The following SOCS4 variants were observed in gnomAD, a reference collection of about 807,000 sequenced individuals.
The protein encoded by SOCS4 is suppressor of cytokine signaling 4, also known as SH2 domain containing SOCS box protein.
A neutral mutation model predicts 34.1 loss-of-function variants in SOCS4; 20 were observed. The observed-to-expected ratio is 0.59, with a 90% CI of 0.41 to 0.85. SOCS4 has a LOEUF of 0.85. Ranked by LOEUF, SOCS4 falls within the 40% of genes least tolerant of loss-of-function variation. The pLI is 0.00. For synonymous variants in SOCS4, 180 were observed against 186.4 expected (o/e 0.97, Z 0.28); for missense variants, 479 against 532.4 (o/e 0.90, Z 0.99).
chr14:55,039,835 G>A (rs1336397973), intron 2 of SOCS4, among the ~76,000 whole-genome samples: 2 of 152,212 alleles, frequency 1.3e-5, no homozygotes, highest in African/African-American at 4.8e-5. Context: ...GGTCGAGCTT[G>A]CAGTGAGCCG....
chr14:55,043,605 C>A lies in SOCS4; in HGVS notation c.564C>A (p.Phe188Leu). The A allele has an allele frequency of 6.2e-7, 1 of 1,614,172 alleles. No homozygotes were observed. Among genetic ancestry groups the A allele is most frequent in the East Asian group, 2.2e-5 (1 of 44,888 alleles). ...ATATGGAAGAAAATATAAACTGTTT[C>A]TCACATACCAATGTTCAGCCCTGTG... ...RRNMEENINC[F>L]SHTNVQPCVI... The change falls in exon 3 of 3, where the codon TTC becomes TTA. Residue 188 changes from phenylalanine to leucine, a missense_variant. Phe to Leu is a conservative substitution (Grantham distance 22, BLOSUM62 0). Coordinates refer to ENST00000555846, the MANE Select transcript of SOCS4 (RefSeq NM_199421.2).
intron 1 of SOCS4, chr14:55,027,806 A>G (rs1566751395): frequency 6.6e-6 from 1 of 152,252 alleles, no homozygotes; most frequent in Admixed American, 6.5e-5. Context: ...GCGACTCTAT[A>G]TATCCGTTAT....
chr14:55,034,073 C>T (rs377614307), intron 2 of SOCS4, among the ~76,000 whole-genome samples: 1 of 152,140 alleles, frequency 6.6e-6, no homozygotes, highest in South Asian at 2.1e-4. Flanking sequence ...GGTGGAGGTG[C>T]AGTGAGCCGA....
rs777469679 is a variant in SOCS4, at chr14:55,044,377, A to T, written c.*13A>T. 6.7e-7 allele frequency: 1 copy of T among 1,495,566 alleles called. No homozygotes were observed. Among genetic ancestry groups the T allele is most frequent in the Non-Finnish European group, 8.9e-7 (1 of 1,120,116 alleles). The allele number at this position is 1,495,566 out of a possible 1,614,324, so 92.6% of individuals were successfully genotyped here. A position where few individuals can be genotyped will look rare whatever the true frequency, so the allele number is the denominator to read the frequency against. ...ACAGCAATGCTAGTAACAGGATGGG[A>T]ACATGGGAATGATAATATATATTTT... On this transcript the variant is annotated 3_prime_UTR_variant, in exon 3 of 3. Transcript: ENST00000555846.
rs1211439910 is a variant in SOCS4 at position 55,045,566 on chromosome 14, G to A, written c.*1202G>A. ...TACATGACTTACACCATACAGAACA[G>A]TACTGGACAAAAGGGGTGATATTTT... is the stretch of plus-strand genomic sequence containing the variant. On this transcript the variant is annotated 3_prime_UTR_variant, in exon 3 of 3. Coordinates refer to ENST00000555846, the MANE Select transcript of SOCS4 (RefSeq NM_199421.2). 1.2e-5 allele frequency: 2 copies of A among 166,858 alleles called. No homozygotes were observed. Among genetic ancestry groups the A allele is most frequent in the Non-Finnish European group, 2.9e-5 (2 of 68,022 alleles). The allele number at this position is 166,858 out of a possible 1,614,324, so 10.3% of individuals were successfully genotyped here. A position where few individuals can be genotyped will look rare whatever the true frequency, so the allele number is the denominator to read the frequency against.
chr14:55,030,315 T>C (rs946637254), intron 1 of SOCS4, among the ~76,000 whole-genome samples: 7 of 152,158 alleles, frequency 4.6e-5, no homozygotes, highest in Non-Finnish European at 7.4e-5. Flanking sequence ...CTTAAATCTA[T>C]TTACTAAGCT....
In SOCS4 at chr14:55,048,422, A is replaced by C. The variant is rs1307832543; in HGVS notation, c.*4058A>C. On this transcript the variant is annotated 3_prime_UTR_variant, in exon 3 of 3. Transcript: ENST00000555846. ...AGCCTGTGTAATGTTAGGTAATGTA[A>C]TGCCCAAGTGAATAAAAGATTTTTC... 1 of 167,094 alleles carries C rather than the reference A, an allele frequency of 6.0e-6. No individual in the cohort carries two copies. The highest frequency in any genetic ancestry group is 1.5e-5 in the Non-Finnish European group (1 of 68,124). 10.4% of individuals were successfully genotyped at this position (167,094 alleles called of 1,614,324 possible). A position where few individuals can be genotyped will look rare whatever the true frequency, so the allele number is the denominator to read the frequency against.
At chr14:55,032,845 C>G (rs886223712) in intron 2 of SOCS4, among the ~76,000 whole-genome samples, 1 of 152,020 alleles carries the variant, frequency 6.6e-6, no homozygotes, top group East Asian at 1.9e-4. Flanking sequence ...TGCAGAGGCA[C>G]GATCTCAGCT....
At chr14:55,033,887 C>T (rs2042549656) in intron 2 of SOCS4, among the ~76,000 whole-genome samples, 1 of 152,210 alleles carries the variant, frequency 6.6e-6, no homozygotes, top group Non-Finnish European at 1.5e-5. Context: ...AATTCCAGCA[C>T]TTTGGGTGGC....
At chr14:55,027,552 A>G (rs1247209037) in intron 1 of SOCS4, 81 bp downstream of exon 1, 1 of 152,682 alleles carries the variant, frequency 6.5e-6, no homozygotes, top group African/African-American at 2.4e-5. Flanking sequence ...CTCCCAGGAA[A>G]CAATATCCGG....
In SOCS4 at chr14:55,044,450, A is replaced by G. The variant is rs2042655847; in HGVS notation, c.*86A>G. The G allele has an allele frequency of 9.6e-7, 1 of 1,043,242 alleles. No homozygotes were observed. The highest frequency in any genetic ancestry group is 1.3e-6 in the Non-Finnish European group (1 of 794,456). 64.6% of individuals were successfully genotyped at this position (1,043,242 alleles called of 1,614,324 possible). ...TTTTTATGCCACTTTGGATTTTTCT[A>G]CAAAGGCAGTGGTGTCCAAAATAAA... On this transcript the variant is annotated 3_prime_UTR_variant, in exon 3 of 3. Transcript: ENST00000555846.
chr14:55,029,796 T>G (rs2042512361), intron 1 of SOCS4, among the ~76,000 whole-genome samples: 1 of 152,172 alleles, frequency 6.6e-6, no homozygotes, highest in Non-Finnish European at 1.5e-5. Flanking sequence ...TCCTGAAACT[T>G]ACTAGCCTAT....
chr14:55,043,380 T>A lies in SOCS4; in HGVS notation c.339T>A (p.Ser113=). ...FPIKNCSSRH[S]SGLPSKRKIH... ...TAAAGAATTGTAGTAGTCGGCACTC[T>A]TCAGGGCTTCCGTCTAAAAGGAAAA... The change falls in exon 3 of 3, where the codon TCT becomes TCA. Residue 113 remains serine (S), a synonymous_variant. Transcript: ENST00000555846. The A allele has an allele frequency of 6.2e-7, 1 of 1,614,224 alleles. No individual in the cohort carries two copies. Among genetic ancestry groups the A allele is most frequent in the Non-Finnish European group, 8.5e-7 (1 of 1,180,044 alleles).
chr14:55,042,705 C>A (rs1319048114), intron 2 of SOCS4, among the ~76,000 whole-genome samples: 1 of 152,134 alleles, frequency 6.6e-6, no homozygotes, highest in African/African-American at 2.4e-5. Flanking sequence ...TTTTTCTTAT[C>A]CACACTGAAA....
At chr14:55,028,256 C>T (rs1011232326) in intron 1 of SOCS4, among the ~76,000 whole-genome samples, 2 of 152,054 alleles carry the variant, frequency 1.3e-5, no homozygotes, top group Non-Finnish European at 2.9e-5. Flanking sequence ...GTTTTTAGTA[C>T]TAGAGCTCCA....
intron 2 of SOCS4, among the ~76,000 whole-genome samples, chr14:55,033,069 A>G (rs2042542901): frequency 6.6e-6 from 1 of 152,192 alleles, no homozygotes; most frequent in Non-Finnish European, 1.5e-5. Flanking sequence ...GGTGTGAGCC[A>G]CCGCGCCCGG....
At chr14:55,029,372 G>T (rs1031594021) in intron 1 of SOCS4, among the ~76,000 whole-genome samples, 1 of 152,120 alleles carries the variant, frequency 6.6e-6, no homozygotes, top group Non-Finnish European at 1.5e-5. Flanking sequence ...GGTGTGGGTG[G>T]CTAAATGAAC....
rs762718372 is a variant in SOCS4 at position 55,043,041 on chromosome 14, C to T, written c.-1C>T. ...CATTAGAATCTGGATAATTTGTTAACATGGCAGAAAATAATGAAAATATTA... is the reference window on the plus strand; with the variant it reads ...CATTAGAATCTGGATAATTTGTTAATATGGCAGAAAATAATGAAAATATTA... On this transcript the variant is annotated 5_prime_UTR_variant, in exon 3 of 3. Transcript: ENST00000555846. 3.8e-6 allele frequency: 6 copies of T among 1,596,532 alleles called. No individual in the cohort carries two copies. Among genetic ancestry groups the T allele is most frequent in the Non-Finnish European group, 5.1e-6 (6 of 1,171,350 alleles).
intron 1 of SOCS4, among the ~76,000 whole-genome samples, chr14:55,028,527 A>G (rs2042493039): frequency 6.6e-6 from 1 of 152,124 alleles, no homozygotes; most frequent in African/African-American, 2.4e-5. Flanking sequence ...GAACTCTCAT[A>G]ATATTCGTCT....
Sources: gnomAD v4.1 joint callset for allele counts (sites outside exome capture counted in the v4.1 genomes callset) on GRCh38, gnomAD v4.1.1 for gene constraint, MANE v1.5 for transcripts, NCBI Gene and HGNC (gene_info 2026-07-23, HGNC 2026-07-21) for gene names.